RAD54B: variants seen among roughly 807,000 people sequenced by gnomAD.
RAD54B encodes the protein RAD54 homolog B, also known as DNA repair and recombination protein RAD54B.
A neutral mutation model predicts 95.8 loss-of-function variants in RAD54B; 78 were observed. The ratio of observed to expected loss-of-function variants is 0.81; its 90% CI spans 0.68 to 0.98. The LOEUF is 0.98. Among genes scored for constraint, RAD54B ranks in the 50% least tolerant of loss-of-function variants. RAD54B has a pLI of 0.00. For missense variants in RAD54B, 957 were observed against 1,056.6 expected (o/e 0.91, Z 1.31); for synonymous variants, 328 against 354.9 (o/e 0.92, Z 0.85).
At chr8:94,411,454 TG>T in intron 3 of RAD54B, 139 bp from the exon 4 acceptor site, 1 of 646,226 alleles carries the variant, frequency 1.5e-6, no homozygotes, top group South Asian at 2.7e-5. Flanking sequence ...ATCATACTCA[TG>T]TTAGCATTTT....
chr8:94,374,076 G>C (rs1254214683), intron 14 of RAD54B, among the ~76,000 whole-genome samples: 9 of 152,038 alleles, frequency 5.9e-5, no homozygotes, highest in Non-Finnish European at 1.0e-4. Context: ...TCAGGTGATC[G>C]AGACCATCCT....
intron 3 of RAD54B, among the ~76,000 whole-genome samples, chr8:94,452,379 T>C (rs1038297384): frequency 6.6e-6 from 1 of 152,256 alleles, no homozygotes. Flanking sequence ...TACTGAAGAA[T>C]TTCAGGTGAT....
intron 2 of RAD54B, among the ~76,000 whole-genome samples, chr8:94,464,759 G>T (rs1812984614): frequency 6.6e-6 from 1 of 152,246 alleles, no homozygotes; most frequent in South Asian, 2.1e-4. Context: ...ATAAAGAAAA[G>T]AGGTTTATTT....
intron 14 of RAD54B, among the ~76,000 whole-genome samples, chr8:94,374,528 A>G (rs1217078583): frequency 1.3e-5 from 2 of 152,180 alleles, no homozygotes; most frequent in African/African-American, 4.8e-5. Context: ...GCTTTATGCT[A>G]TTGACAAGAG....
chr8:94,378,335 C>T lies in RAD54B; in HGVS notation c.2360G>A (p.Gly787Asp). 1 of 1,613,918 alleles carries T rather than the reference C, an allele frequency of 6.2e-7. No individual in the cohort carries two copies. Among genetic ancestry groups the T allele is most frequent in the South Asian group, 1.1e-5 (1 of 91,046 alleles). ...GAGGTCGACAACTGCCCCACAAAGACCTTGCTTACTGATCTGCCTTTGATA... is the reference window on the plus strand; with the variant it reads ...GAGGTCGACAACTGCCCCACAAAGATCTTGCTTACTGATCTGCCTTTGATA... ...KIYQRQISKQ[G>D]LCGAVVDLTK... is the part of the protein sequence containing the mutation. Residue 787 changes from glycine (G) to aspartate (D), a missense_variant, in exon 14 of 15, where the codon GGT (glycine) becomes GAT (aspartate). Transcript: ENST00000336148.
chr8:94,384,685 AT>A (rs1314524706), intron 11 of RAD54B, among the ~76,000 whole-genome samples: 2 of 151,762 alleles, frequency 1.3e-5, no homozygotes, highest in Admixed American at 6.6e-5. Flanking sequence ...TATTACCACA[AT>A]TTTTTTTTAA....
At chr8:94,456,646 T>C (rs1475669408) in intron 3 of RAD54B, among the ~76,000 whole-genome samples, 1 of 152,106 alleles carries the variant, frequency 6.6e-6, no homozygotes, top group Non-Finnish European at 1.5e-5. Context: ...AATAAAAAGG[T>C]GATGGGGAAA....
At chr8:94,429,425 A>G in intron 3 of RAD54B, 2 of 912,954 alleles carry the variant, frequency 2.2e-6, no homozygotes, top group Non-Finnish European at 2.6e-6. Context: ...TTCTAGAAAC[A>G]TCTCACAGAA....
At chr8:94,432,534 A>G (rs1212892198) in intron 3 of RAD54B, 1 of 1,550,542 alleles carries the variant, frequency 6.4e-7, no homozygotes, top group Admixed American at 2.0e-5. Flanking sequence ...ATTTAAAACC[A>G]GTGGAGGAGG....
In RAD54B at chr8:94,458,347, T is replaced by A; in HGVS notation, c.225A>T (p.Glu75Asp). The A allele has an allele frequency of 6.2e-7, 1 of 1,610,226 alleles. No homozygotes were observed. The highest frequency in any genetic ancestry group is 8.5e-7 in the Non-Finnish European group (1 of 1,178,488). The change falls in exon 3 of 15, where the codon GAA becomes GAT. Residue 75 changes from glutamate to aspartate, a missense_variant. Transcript: ENST00000336148. ...CACTGCAATTATCTCTGTTATTGAT[T>A]TCTCTAGTACTTTCTTCACTAGGCA... The part of the protein sequence containing the change: ...LNLPSEESTR[E>D]INNRDNCSGK...
chr8:94,440,531 C>T (rs2921388), intron 3 of RAD54B, among the ~76,000 whole-genome samples: 84,115 of 152,014 alleles, frequency 0.55, 25,067 homozygotes, highest in East Asian at 0.79. Context: ...TAAAAGACAT[C>T]GAATAATTTT....
chr8:94,440,641 C>T (rs1812376695), intron 3 of RAD54B, among the ~76,000 whole-genome samples: 1 of 152,160 alleles, frequency 6.6e-6, no homozygotes, highest in African/African-American at 2.4e-5. Flanking sequence ...CCTCTGCTCT[C>T]ACACCACAAC....
At chr8:94,474,020 A>G (rs1255470358) in intron 1 of RAD54B, among the ~76,000 whole-genome samples, 1 of 152,244 alleles carries the variant, frequency 6.6e-6, no homozygotes, top group Non-Finnish European at 1.5e-5. Context: ...TGTTTAAGGT[A>G]GGCTAGCGCA....
chr8:94,379,061 A>G (rs892870697), intron 12 of RAD54B, among the ~76,000 whole-genome samples: 16 of 152,204 alleles, frequency 1.1e-4, no homozygotes, highest in African/African-American at 3.9e-4. Context: ...AAGATTTATC[A>G]ATGATACTGT....
intron 11 of RAD54B, among the ~76,000 whole-genome samples, chr8:94,386,249 GATAA>G (rs986619263): frequency 1.3e-4 from 19 of 151,980 alleles, no homozygotes; most frequent in African/African-American, 4.4e-4. Flanking sequence ...GACACTGTGG[GATAA>G]ATAAAGAAGA....
At chr8:94,414,814 G>A (rs947408175) in intron 3 of RAD54B, among the ~76,000 whole-genome samples, 3 of 152,050 alleles carry the variant, frequency 2.0e-5, no homozygotes, top group Middle Eastern at 3.2e-3. Flanking sequence ...TACAAGGGAC[G>A]TGAAGGACCT....
rs779946446 is a variant in RAD54B, at chr8:94,399,492, G to T, written c.1300C>A (p.His434Asn). 1.9e-6 allele frequency: 3 copies of T among 1,613,620 alleles called. No individual in the cohort carries two copies. In the Admixed American group the frequency reaches 5.0e-5, roughly 27 times the overall value. Residue 434 changes from histidine to asparagine, a missense_variant, in exon 8 of 15, where the codon CAT (histidine) becomes AAT (asparagine). By Grantham distance (68) the His-to-Asn change is moderately conservative (BLOSUM62 1). Transcript: ENST00000336148. ...KFDLLICDEGHRLKNSAIKTT... is the reference protein window; with the variant it reads ...KFDLLICDEGNRLKNSAIKTT... The stretch of plus-strand genomic sequence containing the variant: ...TTAATGGCACTGTTCTTCAAACGAT[G>T]CCCCTCGTCACAGATTAGAAGATCA...
rs780518832 is a variant in RAD54B at position 94,458,410 on chromosome 8, G to A, written c.162C>T (p.Leu54=). ...ATATTCTAAGATCATTTTGTGACGG[G>A]AGAAAGGTGTTATTAATTGCAACAC... ...FEGVAINNTF[L]PSQNDLRICS... The change falls in exon 3 of 15, where the codon CTC becomes CTT. Residue 54 remains leucine, a synonymous_variant. Transcript: ENST00000336148. The A allele has an allele frequency of 1.9e-6, 3 of 1,595,966 alleles. No homozygotes were observed. The highest frequency in any genetic ancestry group is 2.3e-5 in the East Asian group (1 of 44,108).
intron 1 of RAD54B, among the ~76,000 whole-genome samples, chr8:94,471,445 T>C (rs1813169571): frequency 6.6e-6 from 1 of 152,026 alleles, no homozygotes; most frequent in Admixed American, 6.6e-5. Context: ...CAAAGGAGCA[T>C]GAGAGAACTT....
Sources: allele counts gnomAD v4.1 joint callset (sites outside exome capture counted in the v4.1 genomes callset), GRCh38; gene constraint gnomAD v4.1.1; transcripts MANE v1.5; gene names NCBI Gene and HGNC (gene_info 2026-07-23, HGNC 2026-07-21).